The following TOX2 variants were observed in gnomAD, a reference collection of about 807,000 sequenced individuals.
TOX2 encodes TOX high mobility group box family member 2, also known as granulosa cell HMG box 1.
Under a neutral mutation model 47.4 loss-of-function variants are expected in TOX2, and 15 were observed. The ratio of observed to expected loss-of-function variants is 0.32; its 90% CI spans 0.21 to 0.49. The LOEUF (loss-of-function observed/expected upper bound fraction) is 0.49, where lower values mean the gene tolerates loss of function less well. Ranked by LOEUF, TOX2 falls within the 20% of genes least tolerant of loss-of-function variation. The pLI, the probability that TOX2 is intolerant of heterozygous loss-of-function variation, is 0.99. For missense variants in TOX2, 622 were observed against 673.1 expected (o/e 0.92, Z 0.84); for synonymous variants, 290 against 296.6 (o/e 0.98, Z 0.23).
intron 3 of TOX2, among the ~76,000 whole-genome samples, chr20:44,041,622 CA>C (rs2071333367): frequency 1.3e-5 from 2 of 152,160 alleles, no homozygotes; most frequent in Non-Finnish European, 2.9e-5. Context: ...CAAAGCTTGC[CA>C]TTGTGTCCAT....
chr20:43,962,721 T>A (rs2069783983), intron 1 of TOX2, among the ~76,000 whole-genome samples: 1 of 152,164 alleles, frequency 6.6e-6, no homozygotes, highest in South Asian at 2.1e-4. Context: ...CGGCTACTGC[T>A]GATGATGTCA....
At chr20:44,001,147 G>T (rs1208569316) in intron 2 of TOX2, among the ~76,000 whole-genome samples, 1 of 152,192 alleles carries the variant, frequency 6.6e-6, no homozygotes, top group Non-Finnish European at 1.5e-5. Flanking sequence ...TCATGAGGAT[G>T]CCAGTGGTAG....
At chr20:44,044,479 A>G (rs1358126732) in intron 3 of TOX2, among the ~76,000 whole-genome samples, 1 of 152,078 alleles carries the variant, frequency 6.6e-6, no homozygotes, top group African/African-American at 2.4e-5. Flanking sequence ...ACCAAACATA[A>G]TGTTTGGAAT....
chr20:43,963,976 A>G (rs531305707), intron 1 of TOX2, among the ~76,000 whole-genome samples: 1 of 152,186 alleles, frequency 6.6e-6, no homozygotes, highest in African/African-American at 2.4e-5. Context: ...AATAGCTAAC[A>G]ATGATTGAGT....
chr20:43,916,328 C>G lies in TOX2; in HGVS notation c.99+1338C>G, dbSNP rs2069054388. On this transcript the variant is annotated intron_variant, in intron 1 of 8. Coordinates refer to ENST00000341197, the MANE Select transcript of TOX2 (RefSeq NM_001098797.2). This position sits in a 1 kb window ranked among gnomAD's most constrained non-coding sequence, Gnocchi z 5.0. ...AGGAGAGAGGCGTCCCGGCGCGGAT[C>G]CCGGGGCCTCCCGGGCTGGGCCTCC... is the stretch of plus-strand genomic sequence containing the variant. 1 of 766,188 alleles carries G rather than the reference C, an allele frequency of 1.3e-6. No homozygotes were observed. 47.5% of individuals were successfully genotyped at this position (766,188 alleles called of 1,614,324 possible).
At chr20:43,991,482 G>A (rs565195743) in intron 2 of TOX2, among the ~76,000 whole-genome samples, 105 of 152,224 alleles carry the variant, frequency 6.9e-4, no homozygotes, top group South Asian at 1.2e-3. Context: ...GTCCTTACTC[G>A]TTCATGCATC....
intron 1 of TOX2, among the ~76,000 whole-genome samples, chr20:43,920,390 C>G (rs530456791): frequency 6.6e-6 from 1 of 152,176 alleles, no homozygotes; most frequent in South Asian, 2.1e-4. Flanking sequence ...GCCCGGCATA[C>G]TTGGTGGGTG....
chr20:43,960,517 G>T (rs2069739436), intron 1 of TOX2, among the ~76,000 whole-genome samples: 1 of 152,228 alleles, frequency 6.6e-6, no homozygotes, highest in Admixed American at 6.5e-5. Context: ...GGCCTCCGTT[G>T]TGACTACATC....
intron 1 of TOX2, among the ~76,000 whole-genome samples, chr20:43,922,941 A>C (rs1427010240): frequency 6.6e-6 from 1 of 152,206 alleles, no homozygotes; most frequent in Non-Finnish European, 1.5e-5. Context: ...ATTTGTAATC[A>C]ATTGGCTTAA....
rs575177672 is a variant in TOX2 at position 44,059,687 on chromosome 20, T to G, written c.880-5090T>G. Among the ~76,000 whole-genome samples the G allele has an allele frequency of 1.0e-3, 156 of 152,296 alleles. 1 individual carries two copies. Among genetic ancestry groups the G allele is most frequent in the Non-Finnish European group, 1.5e-3 (104 of 67,996 alleles). ...CAAAACTAAGCTTCATTACAGTTCT[T>G]TTTTTCAAAGCAATGCTGAGAGAAT... On this transcript the variant is annotated intron_variant, in intron 5 of 8. Transcript: ENST00000341197.
intron 2 of TOX2, among the ~76,000 whole-genome samples, chr20:43,975,098 A>G (rs1310931042): frequency 2.0e-5 from 3 of 152,194 alleles, no homozygotes; most frequent in Non-Finnish European, 4.4e-5. Context: ...CCTTTTCACA[A>G]TGTTTAAATA....
chr20:43,952,802 T>C (rs928971217), intron 1 of TOX2, among the ~76,000 whole-genome samples: 1 of 152,172 alleles, frequency 6.6e-6, no homozygotes, highest in Non-Finnish European at 1.5e-5. Context: ...AGTTAGTCGG[T>C]ACTTACGGGA....
intron 3 of TOX2, among the ~76,000 whole-genome samples, chr20:44,047,288 C>T (rs190065475): frequency 6.6e-6 from 1 of 152,106 alleles, no homozygotes; most frequent in African/African-American, 2.4e-5. Context: ...CCAAAAATGT[C>T]TTCAGAGAAA....
intron 3 of TOX2, among the ~76,000 whole-genome samples, chr20:44,050,342 G>A (rs183120869): frequency 3.3e-5 from 5 of 152,284 alleles, no homozygotes; most frequent in Non-Finnish European, 7.4e-5. Context: ...TTCTTTTGAG[G>A]AGAAAAGAAA....
At chr20:43,927,573 A>C (rs1358824175) in intron 1 of TOX2, among the ~76,000 whole-genome samples, 1 of 145,486 alleles carries the variant, frequency 6.9e-6, no homozygotes, top group Non-Finnish European at 1.5e-5. Flanking sequence ...TGGCTTTGCC[A>C]CCTATGAAGA....
chr20:43,941,266 C>A (rs1371763680), intron 1 of TOX2, among the ~76,000 whole-genome samples: 1 of 151,534 alleles, frequency 6.6e-6, no homozygotes, highest in Non-Finnish European at 1.5e-5. Context: ...GTTCGAGAGT[C>A]CCAGGGTTAA....
In TOX2 at chr20:44,069,430, CTATT is replaced by C. The variant is rs1406043255; in HGVS notation, c.*748_*751del. 1.3e-5 allele frequency: 2 copies of C among 154,686 alleles called. No individual in the cohort carries two copies. The highest frequency in any genetic ancestry group is 2.4e-5 in the African/African-American group (1 of 41,450). The allele number at this position is 154,686 out of a possible 1,614,324, so 9.6% of individuals were successfully genotyped here. ...TTAAATTGCCGGCGACGACTTTTGT[CTATT>C]TATGAAGAAACCTTGAGAACGAAGT... On this transcript the variant is annotated 3_prime_UTR_variant, in exon 9 of 9. Transcript: ENST00000341197.
chr20:43,928,263 T>C (rs562291805), intron 1 of TOX2, among the ~76,000 whole-genome samples: 1 of 152,344 alleles, frequency 6.6e-6, no homozygotes, highest in East Asian at 1.9e-4. Flanking sequence ...TGCTTACTTG[T>C]TTATGAAATT....
intron 2 of TOX2, among the ~76,000 whole-genome samples, chr20:43,979,087 G>C (rs2070128831): frequency 1.3e-5 from 2 of 152,172 alleles, no homozygotes; most frequent in African/African-American, 2.4e-5. Context: ...ACCATTTTCT[G>C]AGTTGGGGAA....
Sources: gnomAD v4.1 joint callset for allele counts (sites outside exome capture counted in the v4.1 genomes callset) on GRCh38, gnomAD v4.1.1 for gene constraint, Gnocchi (gnomAD v3.1) non-coding constraint, MANE v1.5 for transcripts, NCBI Gene and HGNC (gene_info 2026-07-23, HGNC 2026-07-21) for gene names.